KCNK2: variants seen among roughly 807,000 people sequenced by gnomAD.
The protein encoded by KCNK2 is potassium two pore domain channel subfamily K member 2, also known as potassium channel subfamily K member 2.
KCNK2 carries 21 observed loss-of-function variants against 40.5 expected under a neutral mutation model. The observed-to-expected ratio is 0.52, with a 90% CI of 0.37 to 0.75. The LOEUF (loss-of-function observed/expected upper bound fraction) is 0.75. KCNK2 is among the 30% of genes least tolerant of loss of function. KCNK2 has a pLI of 0.00. For synonymous variants in KCNK2, 191 were observed against 202.2 expected (o/e 0.94, Z 0.47); for missense variants, 399 against 531.6 (o/e 0.75, Z 2.45).
chr1:215,177,524 T>C (rs1664025973), intron 5 of KCNK2, among the ~76,000 whole-genome samples: 1 of 151,816 alleles, frequency 6.6e-6, no homozygotes, highest in Non-Finnish European at 1.5e-5. Context: ...CTTGAGTTAA[T>C]TTTTGTATAT....
chr1:215,110,026 A>G (rs1027117372), intron 2 of KCNK2, among the ~76,000 whole-genome samples: 5 of 152,038 alleles, frequency 3.3e-5, no homozygotes, highest in African/African-American at 1.2e-4. Flanking sequence ...TTCTTTTGAG[A>G]AATGTCTATT....
chr1:215,209,445 AAT>A (rs1665502599), intron 6 of KCNK2, among the ~76,000 whole-genome samples: 1 of 26,676 alleles, frequency 3.7e-5, no homozygotes, highest in Non-Finnish European at 5.9e-5. Flanking sequence ...TAAAATATAT[AAT>A]ATATATTATA....
intron 3 of KCNK2, among the ~76,000 whole-genome samples, chr1:215,145,398 G>C (rs1001573316): frequency 6.6e-6 from 1 of 152,122 alleles, no homozygotes; most frequent in African/African-American, 2.4e-5. Context: ...TCTAGAGCCT[G>C]AAGTCTTAAC....
chr1:215,048,880 T>A (rs941928737), intron 1 of KCNK2, among the ~76,000 whole-genome samples: 1 of 152,202 alleles, frequency 6.6e-6, no homozygotes, highest in Non-Finnish European at 1.5e-5. Context: ...CGTGGCATGA[T>A]GTACCAAACT....
chr1:215,134,485 C>T (rs1661812949), intron 3 of KCNK2, among the ~76,000 whole-genome samples: 1 of 152,188 alleles, frequency 6.6e-6, no homozygotes, highest in African/African-American at 2.4e-5. Context: ...TCCACAACCT[C>T]TCTGGGATAC....
intron 3 of KCNK2, among the ~76,000 whole-genome samples, chr1:215,158,013 C>A (rs1240701899): frequency 6.6e-6 from 1 of 152,170 alleles, no homozygotes; most frequent in East Asian, 1.9e-4. Context: ...TGAAAAACTG[C>A]CAAGTCACCT....
intron 5 of KCNK2, among the ~76,000 whole-genome samples, chr1:215,182,732 C>T (rs1664278774): frequency 6.6e-6 from 1 of 152,174 alleles, no homozygotes; most frequent in African/African-American, 2.4e-5. Flanking sequence ...TGTGCGGGCA[C>T]ACTACTGGGT....
chr1:215,015,757 G>A (rs1358677729), intron 1 of KCNK2, among the ~76,000 whole-genome samples: 1 of 152,108 alleles, frequency 6.6e-6, no homozygotes, highest in Non-Finnish European at 1.5e-5. Context: ...AGGGTTAGCA[G>A]AAACTAGATG....
Position 215,236,082 on chromosome 1 carries a change from A to ATCTG in KCNK2, c.*940_*941insGTCT, listed in dbSNP as rs1262881295. 6.6e-6 allele frequency: 1 copy of ATCTG among 151,036 alleles called. No homozygotes were observed. Among genetic ancestry groups the ATCTG allele is most frequent in the Non-Finnish European group, 1.5e-5 (1 of 68,024 alleles). The allele number at this position is 151,036 out of a possible 1,614,324, so 9.4% of individuals were successfully genotyped here. A position where few individuals can be genotyped will look rare whatever the true frequency, so the allele number is the denominator to read the frequency against. On this transcript the variant is annotated 3_prime_UTR_variant, in exon 7 of 7. Coordinates refer to ENST00000444842, the MANE Select transcript of KCNK2 (RefSeq NM_001017425.3). ...TATCTATCTATCTATCTATCTATCT[A>ATCTG]TCTATCTATCTATCTAAATGACCTG...
At chr1:215,210,003 T>TTATATATAA (rs1553274445) in intron 6 of KCNK2, among the ~76,000 whole-genome samples, 43 of 67,898 alleles carry the variant, frequency 6.3e-4, no homozygotes, top group East Asian at 5.0e-3. Flanking sequence ...ATAATATATA[T>TTATATATAA]TATATATAAT....
intron 3 of KCNK2, among the ~76,000 whole-genome samples, chr1:215,141,694 C>T (rs2885812): frequency 0.57 from 86,193 of 151,886 alleles, 26,443 homozygotes; most frequent in Non-Finnish European, 0.68. Flanking sequence ...CCTACCACAA[C>T]TCTATAAATT....
chr1:215,167,011 A>G (rs934708516), intron 3 of KCNK2, among the ~76,000 whole-genome samples: 2 of 152,174 alleles, frequency 1.3e-5, no homozygotes, highest in Non-Finnish European at 2.9e-5. Context: ...CATTGAAAAC[A>G]AATCCCTCAG....
chr1:215,102,575 G>A (rs1317219397), intron 2 of KCNK2, among the ~76,000 whole-genome samples: 3 of 151,988 alleles, frequency 2.0e-5, no homozygotes, highest in Non-Finnish European at 4.4e-5. Context: ...GGTGCATAGT[G>A]TTTATGAAGT....
At chr1:215,007,784 T>G (rs1336642965) in intron 1 of KCNK2, among the ~76,000 whole-genome samples, 1 of 152,188 alleles carries the variant, frequency 6.6e-6, no homozygotes, top group Non-Finnish European at 1.5e-5. Flanking sequence ...TAATCATCTA[T>G]AGCATTGGAT....
intron 5 of KCNK2, among the ~76,000 whole-genome samples, chr1:215,193,030 G>A (rs1472167233): frequency 1.3e-5 from 2 of 151,412 alleles, no homozygotes; most frequent in Non-Finnish European, 2.9e-5. Context: ...ATATATACTT[G>A]CAATGCATAC....
chr1:215,230,474 T>TACACAC, intron 6 of KCNK2, among the ~76,000 whole-genome samples: 1 of 109,288 alleles, frequency 9.2e-6, no homozygotes, highest in South Asian at 2.7e-4. Context: ...TGTAGATATA[T>TACACAC]ATATACACAC....
intron 1 of KCNK2, among the ~76,000 whole-genome samples, chr1:215,063,636 G>A (rs1185072347): frequency 2.6e-5 from 4 of 152,156 alleles, no homozygotes; most frequent in Admixed American, 6.5e-5. Context: ...AGCAATGATC[G>A]TAAATTAATA....
At chr1:215,039,816 C>T (rs1463245290) in intron 1 of KCNK2, among the ~76,000 whole-genome samples, 1 of 152,126 alleles carries the variant, frequency 6.6e-6, no homozygotes, top group African/African-American at 2.4e-5. Context: ...TCCTGGAGAA[C>T]TCATCTTCTC....
intron 2 of KCNK2, among the ~76,000 whole-genome samples, chr1:215,112,890 A>T (rs1660756388): frequency 6.6e-6 from 1 of 152,164 alleles, no homozygotes; most frequent in South Asian, 2.1e-4. Context: ...CAAAATGATG[A>T]AATTGCCTAA....
Sources: allele counts gnomAD v4.1 joint callset (sites outside exome capture counted in the v4.1 genomes callset), GRCh38; gene constraint gnomAD v4.1.1; transcripts MANE v1.5; gene names NCBI Gene and HGNC (gene_info 2026-07-23, HGNC 2026-07-21).